ADSL: variants seen among roughly 807,000 people sequenced by gnomAD.
The protein encoded by ADSL is adenylosuccinate lyase, also known as adenylosuccinase.
Under a neutral mutation model 62.1 loss-of-function variants are expected in ADSL, and 44 were observed. That is an observed-to-expected ratio of 0.71 (90% CI 0.56 to 0.91). ADSL has a LOEUF of 0.91. ADSL is among the 40% of genes least tolerant of loss of function. The pLI, the probability that ADSL is intolerant of heterozygous loss-of-function variation, is 0.00. For synonymous variants in ADSL, 198 were observed against 220.5 expected (o/e 0.90, Z 0.90); for missense variants, 531 against 627.4 (o/e 0.85, Z 1.64).
chr22:40,374,067 C>T (rs1827408472), downstream of ADSL, among the ~76,000 whole-genome samples: 1 of 152,172 alleles, frequency 6.6e-6, no homozygotes, highest in African/African-American at 2.4e-5. Context: ...ATTCTCCTGC[C>T]TCAGCCTCCT....
rs777004146 is a variant in ADSL at position 40,349,817 on chromosome 22, T to G, written c.154-15T>G. The G allele has an allele frequency of 1.9e-6, 3 of 1,610,666 alleles. No individual in the cohort carries two copies. Among genetic ancestry groups the G allele is most frequent in the South Asian group, 2.2e-5 (2 of 90,970 alleles). Reference sequence around the variant, plus strand: ...GACACTGAGACTATTTTATTTTATTTTGCCTATTCTGCAGACATTGGGTTT... The same window carrying G: ...GACACTGAGACTATTTTATTTTATTGTGCCTATTCTGCAGACATTGGGTTT... On this transcript the variant is annotated splice_polypyrimidine_tract_variant and intron_variant, in intron 1 of 12. Coordinates refer to ENST00000623063, the MANE Select transcript of ADSL (RefSeq NM_000026.4).
chr22:40,359,467 A>T (rs1422539347), intron 6 of ADSL, among the ~76,000 whole-genome samples, 161 bp downstream of exon 6: 116 of 73,892 alleles, frequency 1.6e-3, no homozygotes, highest in African/African-American at 2.0e-3. Flanking sequence ...CTTTCTTACT[A>T]TCTGGATTCT....
chr22:40,360,695 T>C (rs1401688537), intron 7 of ADSL, among the ~76,000 whole-genome samples: 1 of 151,610 alleles, frequency 6.6e-6, no homozygotes, highest in African/African-American at 2.4e-5. Flanking sequence ...CTGCAAAACA[T>C]CCATCTTGTT....
At chr22:40,358,539 A>G (rs2044652939) in intron 4 of ADSL, among the ~76,000 whole-genome samples, 1 of 152,174 alleles carries the variant, frequency 6.6e-6, no homozygotes. Context: ...AGCTATGTTC[A>G]TGCCACTGCA....
At chr22:40,377,537 A>T (rs1183619973) in intron 2 of ADSL, among the ~76,000 whole-genome samples, 1 of 152,172 alleles carries the variant, frequency 6.6e-6, no homozygotes, top group Non-Finnish European at 1.5e-5. Flanking sequence ...AGGTCATGTC[A>T]TGTAAGAGTT....
At position 40,366,320 on chromosome 22, in the gene ADSL, T is replaced by C. The variant is rs371056794; in HGVS notation, c.1369-116T>C. ...GCAGTTGAGGAAAACAAGCTCAGTG[T>C]TGGAGTAAAAGCTTCATCAAATTAG... is the stretch of plus-strand genomic sequence containing the variant. On this transcript the variant is annotated intron_variant, in intron 12 of 12. Transcript: ENST00000623063. The C allele has an allele frequency of 7.2e-4, 549 of 761,628 alleles. 6 individuals carry two copies. In the South Asian group the frequency reaches 7.8e-3, roughly 11 times the overall value. The allele number at this position is 761,628 out of a possible 1,614,324, so 47.2% of individuals were successfully genotyped here. A position where few individuals can be genotyped will look rare whatever the true frequency, so the allele number is the denominator to read the frequency against.
chr22:40,357,321 T>A (rs890242932), intron 4 of ADSL, among the ~76,000 whole-genome samples: 7 of 149,246 alleles, frequency 4.7e-5, no homozygotes, highest in Admixed American at 1.3e-4. Flanking sequence ...TGGCACAATC[T>A]TGGCTCACCG....
chr22:40,349,977 CA>C lies in ADSL; in HGVS notation c.303del (p.Ala102LeufsTer20). 1 of 1,614,038 alleles carries C rather than the reference CA, an allele frequency of 6.2e-7. No individual in the cohort carries two copies. The highest frequency in any genetic ancestry group is 1.1e-5 in the South Asian group (1 of 91,068). On this transcript the variant is annotated frameshift_variant, in exon 2 of 13. Coordinates refer to ENST00000623063, the MANE Select transcript of ADSL (RefSeq NM_000026.4). LOFTEE classifies it high-confidence loss of function. ...GTGCACACATTTGGCCACTGCTGTC[CA>C]AAAGCTGCAGGCATTATTCACCTTG... is the stretch of plus-strand genomic sequence containing the variant. ...AHVHTFGHCC[P>X]KAAGIIHLGA...
At chr22:40,371,337 T>G (rs2045427513), downstream of ADSL, among the ~76,000 whole-genome samples, 2 of 152,378 alleles carry the variant, frequency 1.3e-5, no homozygotes, top group Admixed American at 1.3e-4. Context: ...AAGGTTGTTT[T>G]CAGTGACTGG....
chr22:40,350,130 G>GAT, intron 2 of ADSL, 95 bp downstream of exon 2: 3 of 1,146,084 alleles, frequency 2.6e-6, no homozygotes, highest in African/African-American at 1.6e-5. Context: ...TGACACTATA[G>GAT]ATCTTTTTTT....
chr22:40,386,082 G>GTC (rs1036715014), intron 2 of ADSL, among the ~76,000 whole-genome samples: 2 of 150,624 alleles, frequency 1.3e-5, no homozygotes, highest in African/African-American at 4.9e-5. Flanking sequence ...GTTTTGCCAT[G>GTC]TTGCCCAGGC....
intron 2 of ADSL, among the ~76,000 whole-genome samples, chr22:40,381,501 CTG>C (rs1297124867): frequency 6.6e-6 from 1 of 152,132 alleles, no homozygotes; most frequent in Non-Finnish European, 1.5e-5. Context: ...GAAATACAAA[CTG>C]AAGTATTATA....
chr22:40,361,076 T>A, intron 7 of ADSL, 197 bp from the exon 8 acceptor site: 1 of 680,834 alleles, frequency 1.5e-6, no homozygotes, highest in East Asian at 2.6e-5. Context: ...CTCCTTGAAT[T>A]TGTCATCCCA....
intron 9 of ADSL, among the ~76,000 whole-genome samples, chr22:40,362,630 G>C (rs549846810): frequency 6.6e-6 from 1 of 152,338 alleles, no homozygotes; most frequent in East Asian, 1.9e-4. Flanking sequence ...AAAGAGCTTG[G>C]TGAGTGGGGC....
chr22:40,350,118 A>G, intron 2 of ADSL, 83 bp downstream of exon 2: 1 of 1,352,784 alleles, frequency 7.4e-7, no homozygotes, highest in Non-Finnish European at 1.0e-6. Context: ...CAGTTGAGGA[A>G]GTGACACTAT....
chr22:40,353,396 A>G (rs1356641058), intron 3 of ADSL: 1 of 702,170 alleles, frequency 1.4e-6, no homozygotes, highest in Non-Finnish European at 2.6e-6. Context: ...AGGCTCAGAC[A>G]GCTCTCCTGT....
chr22:40,353,976 G>T, intron 3 of ADSL: 1 of 522,748 alleles, frequency 1.9e-6, no homozygotes. Context: ...ATGTTGCTGG[G>T]ATATGTGGGT....
intron 1 of ADSL, chr22:40,348,649 G>T: frequency 2.5e-6 from 1 of 398,562 alleles, no homozygotes; most frequent in South Asian, 1.3e-4. Flanking sequence ...CCAAAGATGT[G>T]AGCCACCATA....
intron 4 of ADSL, among the ~76,000 whole-genome samples, chr22:40,357,114 T>A (rs917201472): frequency 1.1e-4 from 16 of 152,108 alleles, no homozygotes; most frequent in Admixed American, 6.6e-4. Context: ...CAGGCTGGTC[T>A]CAAACTCCTG....
Sources: gnomAD v4.1 joint callset for allele counts (sites outside exome capture counted in the v4.1 genomes callset) on GRCh38, gnomAD v4.1.1 for gene constraint, MANE v1.5 for transcripts, NCBI Gene and HGNC (gene_info 2026-07-23, HGNC 2026-07-21) for gene names.